Variants in SENP1 observed in about 807,000 individuals in gnomAD.
SENP1 encodes SUMO specific peptidase 1, also known as sentrin-specific protease 1.
SENP1 carries 21 observed loss-of-function variants against 93.0 expected under a neutral mutation model. The ratio of observed to expected loss-of-function variants is 0.23; its 90% CI spans 0.16 to 0.33. The LOEUF is 0.33. Among genes scored for constraint, SENP1 ranks in the 10% least tolerant of loss-of-function variants. The pLI, the probability that SENP1 is intolerant of heterozygous loss-of-function variation, is 1.00. For missense variants in SENP1, 591 were observed against 758.7 expected (o/e 0.78, Z 2.60); for synonymous variants, 256 against 259.6 (o/e 0.99, Z 0.13).
chr12:48,054,270 G>C (rs1018150483), intron 13 of SENP1, among the ~76,000 whole-genome samples: 5 of 152,130 alleles, frequency 3.3e-5, no homozygotes, highest in African/African-American at 1.2e-4. Context: ...ATCAGATTAT[G>C]CTTCACGTAT....
At position 48,044,301 on chromosome 12, in the gene SENP1, G is replaced by A. The variant is rs1322220479; in HGVS notation, c.*1021C>T. ...TGGAAATAAATCTACAGGCTAAATG[G>A]TGAACACATTCAGTCTTTAAAAAAA... On this transcript the variant is annotated 3_prime_UTR_variant, in exon 18 of 18. Coordinates refer to ENST00000549518, the MANE Select transcript of SENP1 (RefSeq NM_001267594.2). 2.7e-5 allele frequency: 4 copies of A among 149,788 alleles called. No individual in the cohort carries two copies. Among genetic ancestry groups the A allele is most frequent in the Non-Finnish European group, 5.9e-5 (4 of 67,622 alleles). 9.3% of individuals were successfully genotyped at this position (149,788 alleles called of 1,614,324 possible).
chr12:48,071,618 A>G (rs143214166), intron 9 of SENP1, 49 bp downstream of exon 9: 19,531 of 1,343,698 alleles, frequency 0.015, 208 homozygotes, highest in South Asian at 0.033. Context: ...TCCGTCTCAA[A>G]AAGATATATT....
At position 48,085,608 on chromosome 12, in the gene SENP1, C is replaced by T. The variant is rs576906066; in HGVS notation, c.381-1846G>A. 2.6e-5 allele frequency among the ~76,000 whole-genome samples: 4 copies of T among 151,184 alleles called. No homozygotes were observed. In the South Asian group the frequency reaches 6.2e-4, roughly 24 times the overall value. The stretch of plus-strand genomic sequence containing the variant: ...TGGGGCTCTGCTGTTAAAATCAAGG[C>T]TGGTTAAGGAACAGGAAGCCTGACC... On this transcript the variant is annotated intron_variant, in intron 5 of 17. Transcript: ENST00000549518.
chr12:48,094,774 AC>A (rs1305074702), intron 4 of SENP1, among the ~76,000 whole-genome samples: 1 of 152,196 alleles, frequency 6.6e-6, no homozygotes. Context: ...TTTCTATATA[AC>A]TTTATTATTA....
chr12:48,073,781 C>G (rs1943881477), intron 8 of SENP1, among the ~76,000 whole-genome samples: 1 of 152,208 alleles, frequency 6.6e-6, no homozygotes, highest in Admixed American at 6.5e-5. Flanking sequence ...AGAATTCTTA[C>G]TTACCACTGT....
intron 4 of SENP1, among the ~76,000 whole-genome samples, chr12:48,096,115 T>G (rs990323211): frequency 1.3e-5 from 2 of 152,206 alleles, no homozygotes; most frequent in African/African-American, 4.8e-5. Flanking sequence ...ACAGTTAGAT[T>G]CTCAAAACAC....
In SENP1 at chr12:48,044,049, AG is replaced by A. The variant is rs936309194; in HGVS notation, c.*1272del. On this transcript the variant is annotated 3_prime_UTR_variant, in exon 18 of 18. Coordinates refer to ENST00000549518, the MANE Select transcript of SENP1 (RefSeq NM_001267594.2). ...CTATCTAAGCCTGAGGAGCTCTCAGAGGGTGGGGAGAGATGCTAGAAAGAAC... is the reference window on the plus strand; with the variant it reads ...CTATCTAAGCCTGAGGAGCTCTCAGAGGTGGGGAGAGATGCTAGAAAGAAC... The A allele has an allele frequency of 1.3e-5, 2 of 152,368 alleles. No homozygotes were observed. Among genetic ancestry groups the A allele is most frequent in the African/African-American group, 4.8e-5 (2 of 41,428 alleles). 9.4% of individuals were successfully genotyped at this position (152,368 alleles called of 1,614,324 possible).
At chr12:48,087,902 G>T (rs1944988878) in intron 5 of SENP1, among the ~76,000 whole-genome samples, 2 of 152,076 alleles carry the variant, frequency 1.3e-5, no homozygotes, top group African/African-American at 4.8e-5. Flanking sequence ...TTTTAAAAAA[G>T]AAATGTTTAC....
intron 6 of SENP1, among the ~76,000 whole-genome samples, chr12:48,082,111 C>T (rs1280293978): frequency 6.6e-6 from 1 of 151,424 alleles, no homozygotes; most frequent in Non-Finnish European, 1.5e-5. Context: ...GGATGGTCTT[C>T]ATCTCCTGAC....
chr12:48,099,470 A>G (rs1945777945), intron 2 of SENP1, among the ~76,000 whole-genome samples: 1 of 152,226 alleles, frequency 6.6e-6, no homozygotes, highest in Non-Finnish European at 1.5e-5. Flanking sequence ...TCAGTAACAC[A>G]CACTGTTAAC....
intron 4 of SENP1, among the ~76,000 whole-genome samples, chr12:48,095,521 G>C (rs1188526442): frequency 1.4e-5 from 2 of 143,352 alleles, no homozygotes; most frequent in African/African-American, 5.2e-5. Context: ...GGGCAACACA[G>C]GGAGACTCTG....
chr12:48,071,643 G>A (rs1442239965), intron 9 of SENP1, 24 bp downstream of exon 9: 2 of 1,526,762 alleles, frequency 1.3e-6, no homozygotes. Flanking sequence ...AATTAATAAA[G>A]AACAAGCTTT....
chr12:48,048,369 C>T (rs1941533536), intron 14 of SENP1, among the ~76,000 whole-genome samples: 1 of 152,204 alleles, frequency 6.6e-6, no homozygotes, highest in South Asian at 2.1e-4. Context: ...GAAGAAACTA[C>T]ATGATTTTCA....
At position 48,066,965 on chromosome 12, in the gene SENP1, A is replaced by G; in HGVS notation, c.996T>C (p.Ser332=). The change falls in exon 10 of 18, where the codon AGT becomes AGC. Residue 332 remains serine, a splice_region_variant and synonymous_variant. Transcript: ENST00000549518. The part of the protein sequence containing the change: ...KVKDSQTPTP[S]STFFQAELWI... ...ACAGCTCTGCCTGGAAGAAAGTAGA[A>G]CTATGGGTAGGAAAAGAAAAATTTG... 6.4e-7 allele frequency: 1 copy of G among 1,558,558 alleles called. No homozygotes were observed. Among genetic ancestry groups the G allele is most frequent in the East Asian group, 2.4e-5 (1 of 42,312 alleles).
intron 1 of SENP1, among the ~76,000 whole-genome samples, 169 bp from the exon 2 acceptor site, chr12:48,101,685 T>C (rs1945944833): frequency 6.6e-6 from 1 of 152,230 alleles, no homozygotes; most frequent in Non-Finnish European, 1.5e-5. Flanking sequence ...TAAAACTAGC[T>C]TGAGGTACTT....
At chr12:48,083,553 C>A in intron 6 of SENP1, 38 bp downstream of exon 6, 1 of 1,570,010 alleles carries the variant, frequency 6.4e-7, no homozygotes, top group South Asian at 1.1e-5. Context: ...AGGGAAAGAT[C>A]CTAACTTTTA....
chr12:48,078,334 T>TATATATATATATATATATAC lies in SENP1; in HGVS notation c.553-3542_553-3541insGTATATATATATATATATAT. On this transcript the variant is annotated intron_variant, in intron 6 of 17. Transcript: ENST00000549518. Reference sequence around the variant, plus strand: ...GTAGGATTTTATATATATATATATATACACACACATATATATATACACACA... The same window carrying TATATATATATATATATATAC: ...GTAGGATTTTATATATATATATATATATATATATATATATATATACACACACACATATATATATACACACA... 7.7e-3 allele frequency among the ~76,000 whole-genome samples: 522 copies of TATATATATATATATATATAC among 67,828 alleles called. 15 individuals carry two copies. The highest frequency in any genetic ancestry group is 8.9e-3 in the Non-Finnish European group (299 of 33,430). 44.5% of individuals were successfully genotyped at this position (67,828 alleles called of 152,430 possible). A position where few individuals can be genotyped will look rare whatever the true frequency, so the allele number is the denominator to read the frequency against.
Position 48,044,195 on chromosome 12 carries a change from G to A in SENP1, c.*1127C>T, listed in dbSNP as rs969193319. 1.3e-5 allele frequency: 2 copies of A among 151,278 alleles called. No individual in the cohort carries two copies. Among genetic ancestry groups the A allele is most frequent in the African/African-American group, 4.9e-5 (2 of 41,046 alleles). 9.4% of individuals were successfully genotyped at this position (151,278 alleles called of 1,614,324 possible). On this transcript the variant is annotated 3_prime_UTR_variant, in exon 18 of 18. Transcript: ENST00000549518. ...TACCCATATGGCAAAGTTCATCCAG[G>A]CCTCAAAAATATTCCATTAGGTAGT... is the stretch of plus-strand genomic sequence containing the variant.
chr12:48,091,357 T>TA (rs959433995), intron 4 of SENP1, among the ~76,000 whole-genome samples: 2 of 151,076 alleles, frequency 1.3e-5, no homozygotes, highest in African/African-American at 2.4e-5. Flanking sequence ...GGCTGAGGCA[T>TA]AAGAATCACT....
Sources: allele counts gnomAD v4.1 joint callset (sites outside exome capture counted in the v4.1 genomes callset), GRCh38; gene constraint gnomAD v4.1.1; transcripts MANE v1.5; gene names NCBI Gene and HGNC (gene_info 2026-07-23, HGNC 2026-07-21).